RASGEF1C: variants seen among roughly 807,000 people sequenced by gnomAD.
The protein encoded by RASGEF1C is RasGEF domain family member 1C, also known as ras-GEF domain-containing family member 1C.
RASGEF1C carries 27 observed loss-of-function variants against 58.1 expected under a neutral mutation model. That is an observed-to-expected ratio of 0.46 (90% confidence interval 0.34 to 0.64). The LOEUF is 0.64. Among genes scored for constraint, RASGEF1C ranks in the 30% least tolerant of loss-of-function variants. The pLI is 0.01. For missense variants in RASGEF1C, 502 were observed against 605.1 expected, an observed-to-expected ratio of 0.83 and a Z score of 1.79; for synonymous variants, 243 against 246.3, an observed-to-expected ratio of 0.99 and a Z score of 0.13.
Position 180,195,491 on chromosome 5 carries a change from T to G in RASGEF1C, c.-7+13537A>C, listed in dbSNP as rs184861227. Among the ~76,000 whole-genome samples, 5 of 152,332 alleles carry G rather than the reference T, an allele frequency of 3.3e-5. No individual in the cohort carries two copies. The South Asian group carries it at 6.2e-4, about 19-fold the overall frequency. On this transcript the variant is annotated intron_variant, in intron 1 of 13. Coordinates refer to ENST00000361132, the MANE Select transcript of RASGEF1C (RefSeq NM_175062.4). ...CAAAAAGCACAAGGGCCGGGCACGG[T>G]GGCTCACGCCTGTAATCCCAGCACT...
intron 6 of RASGEF1C, among the ~76,000 whole-genome samples, chr5:180,125,521 G>A (rs1479977124): frequency 1.3e-5 from 2 of 152,220 alleles, no homozygotes; most frequent in African/African-American, 4.8e-5. Flanking sequence ...GGTGGTTCAT[G>A]CCTGTAATCC....
intron 1 of RASGEF1C, among the ~76,000 whole-genome samples, chr5:180,206,068 C>T (rs1756483224): frequency 6.6e-6 from 1 of 152,124 alleles, no homozygotes; most frequent in Non-Finnish European, 1.5e-5. Flanking sequence ...TTCTCTCTCT[C>T]TCTCTTTCAC....
chr5:180,126,923 G>A (rs1322137244), intron 6 of RASGEF1C, among the ~76,000 whole-genome samples: 7 of 152,198 alleles, frequency 4.6e-5, no homozygotes, highest in Non-Finnish European at 1.0e-4. Flanking sequence ...CAGCAGCCAC[G>A]TGGAGTGTGT....
Position 180,209,041 on chromosome 5 carries a change from G to T in RASGEF1C, c.-20C>A, listed in dbSNP as rs1201187579. ...CGCACCACTCACCGGCTCCCGGCGC[G>T]CCGGAACTCCGGGCCCGGCCCATGG... On this transcript the variant is annotated 5_prime_UTR_variant, in exon 1 of 14. Coordinates refer to ENST00000361132, the MANE Select transcript of RASGEF1C (RefSeq NM_175062.4). 1.7e-4 allele frequency: 25 copies of T among 144,368 alleles called. No homozygotes were observed. Among genetic ancestry groups the T allele is most frequent in the African/African-American group, 6.2e-4 (25 of 40,240 alleles). 8.9% of individuals were successfully genotyped at this position (144,368 alleles called of 1,614,324 possible).
chr5:180,166,578 C>T lies in RASGEF1C; in HGVS notation c.-6-28520G>A, dbSNP rs79702176. Among the ~76,000 whole-genome samples, 1,221 of 151,264 alleles carry T rather than the reference C, an allele frequency of 8.1e-3. 15 individuals carry two copies. Among genetic ancestry groups the T allele is most frequent in the African/African-American group, 0.027 (1,110 of 41,104 alleles). The stretch of plus-strand genomic sequence containing the variant: ...CACCCAGGCTAGAAGTGCAATGGCA[C>T]GATCTCAGCTCACTGCAACCTCCAC... On this transcript the variant is annotated intron_variant, in intron 1 of 13. Coordinates refer to ENST00000361132, the MANE Select transcript of RASGEF1C (RefSeq NM_175062.4).
At chr5:180,207,229 G>C (rs1220131399) in intron 1 of RASGEF1C, among the ~76,000 whole-genome samples, 1 of 152,210 alleles carries the variant, frequency 6.6e-6, no homozygotes, top group Non-Finnish European at 1.5e-5. Flanking sequence ...AAACTCTTTC[G>C]GGGTGCATTG....
chr5:180,173,224 G>T (rs990812164), intron 1 of RASGEF1C, among the ~76,000 whole-genome samples: 1 of 152,244 alleles, frequency 6.6e-6, no homozygotes, highest in African/African-American at 2.4e-5. Context: ...ACTCAGAAGA[G>T]CCAGCTACAC....
chr5:180,168,746 C>T lies in RASGEF1C; in HGVS notation c.-6-30688G>A, dbSNP rs138482101. 2.6e-3 allele frequency among the ~76,000 whole-genome samples: 389 copies of T among 152,306 alleles called. 3 individuals are homozygous for T. The highest frequency in any genetic ancestry group is 8.8e-3 in the African/African-American group (366 of 41,568). On this transcript the variant is annotated intron_variant, in intron 1 of 13. Coordinates refer to ENST00000361132, the MANE Select transcript of RASGEF1C (RefSeq NM_175062.4). This position sits in a 1 kb window ranked among gnomAD's most constrained non-coding sequence, Gnocchi z 6.0. ...TCCTGTGGGACCTACGCAATGCTCC[C>T]ATGGGATTACTTGTGGGCTGGGGTA...
At chr5:180,162,738 T>G (rs1766961126) in intron 1 of RASGEF1C, among the ~76,000 whole-genome samples, 1 of 152,236 alleles carries the variant, frequency 6.6e-6, no homozygotes, top group Non-Finnish European at 1.5e-5. Context: ...ATTTTAGAAT[T>G]ACTTTATATA....
chr5:180,108,369 T>C (rs1382309236), intron 12 of RASGEF1C, among the ~76,000 whole-genome samples: 1 of 151,868 alleles, frequency 6.6e-6, no homozygotes, highest in Non-Finnish European at 1.5e-5. Context: ...GCTTGGCTAA[T>C]TTTTTGTATT....
chr5:180,181,207 A>G (rs1390240969), intron 1 of RASGEF1C, among the ~76,000 whole-genome samples: 1 of 152,262 alleles, frequency 6.6e-6, no homozygotes, highest in Non-Finnish European at 1.5e-5. Flanking sequence ...TCAGGGACAA[A>G]GGAAATGGCA....
rs1282591174 is a variant in RASGEF1C, at chr5:180,164,566, A to G, written c.-6-26508T>C. Among the ~76,000 whole-genome samples, 3 of 152,196 alleles carry G rather than the reference A, an allele frequency of 2.0e-5. No homozygotes were observed. In the East Asian group the frequency reaches 5.8e-4, roughly 29 times the overall value. On this transcript the variant is annotated intron_variant, in intron 1 of 13. Transcript: ENST00000361132. ...ATTTTTACCTATGAATTATTTAGAT[A>G]CGTGCTTAATTTCTAAGGGTTTGTT...
intron 1 of RASGEF1C, among the ~76,000 whole-genome samples, chr5:180,196,059 T>C (rs1014610591): frequency 6.6e-6 from 1 of 152,238 alleles, no homozygotes; most frequent in South Asian, 2.1e-4. Context: ...TACTTACCAT[T>C]TTTTTGTCAT....
At chr5:180,121,637 TCA>T (rs762495633) in intron 6 of RASGEF1C, among the ~76,000 whole-genome samples, 17,956 of 113,048 alleles carry the variant, frequency 0.16, 1,103 homozygotes, top group Middle Eastern at 0.22. Flanking sequence ...AAATGTAACT[TCA>T]CACACACACA....
Position 180,127,591 on chromosome 5 carries a change from C to T in RASGEF1C, c.714+18G>A, listed in dbSNP as rs958749771. On this transcript the variant is annotated intron_variant, in intron 6 of 13. Coordinates refer to ENST00000361132, the MANE Select transcript of RASGEF1C (RefSeq NM_175062.4). ...TGGGTGAGGCTCACTTTTGGGACAG[C>T]CCGTAAGAGCCTCCTACCTTTGTGC... The T allele has an allele frequency of 6.2e-7, 1 of 1,602,674 alleles. No homozygotes were observed. The highest frequency in any genetic ancestry group is 8.5e-7 in the Non-Finnish European group (1 of 1,175,256).
chr5:180,192,800 A>AGTAGTG (rs1756189440), intron 1 of RASGEF1C, among the ~76,000 whole-genome samples: 1 of 150,772 alleles, frequency 6.6e-6, no homozygotes, highest in Admixed American at 6.6e-5. Context: ...GCTGGAGTGC[A>AGTAGTG]GTGTCGCAAT....
intron 10 of RASGEF1C, among the ~76,000 whole-genome samples, chr5:180,116,689 G>C (rs774834328): frequency 3.3e-5 from 5 of 152,234 alleles, no homozygotes; most frequent in South Asian, 4.1e-4. Context: ...GTGTCCCAGC[G>C]GAGATGAAGG....
At chr5:180,142,668 T>C (rs1766599674) in intron 1 of RASGEF1C, among the ~76,000 whole-genome samples, 1 of 151,834 alleles carries the variant, frequency 6.6e-6, no homozygotes, top group Non-Finnish European at 1.5e-5. Flanking sequence ...CAGAAAACAG[T>C]GTGGCACAAG....
At chr5:180,129,023 C>CT (rs1345509735) in intron 4 of RASGEF1C, among the ~76,000 whole-genome samples, 2 of 152,336 alleles carry the variant, frequency 1.3e-5, no homozygotes, top group Admixed American at 6.5e-5. Context: ...TTTGGCTTGG[C>CT]TTTAATGGGG....
Sources: gnomAD v4.1 joint callset for allele counts (sites outside exome capture counted in the v4.1 genomes callset) on GRCh38, gnomAD v4.1.1 for gene constraint, Gnocchi (gnomAD v3.1) non-coding constraint, MANE v1.5 for transcripts, NCBI Gene and HGNC (gene_info 2026-07-23, HGNC 2026-07-21) for gene names.